Variants in SLC9C2 observed in about 807,000 individuals in gnomAD.
The protein encoded by SLC9C2 is solute carrier family 9 member C2 (putative).
SLC9C2 carries 75 observed loss-of-function variants against 140.2 expected under a neutral mutation model. The observed-to-expected ratio is 0.53, with a 90% CI of 0.44 to 0.65. The LOEUF is 0.65. Ranked by LOEUF, SLC9C2 falls within the 30% of genes least tolerant of loss-of-function variation. SLC9C2 has a pLI of 0.00. For missense variants in SLC9C2, 1,074 were observed against 1,331.8 expected, an observed-to-expected ratio of 0.81 and a Z score of 3.01; for synonymous variants, 375 against 420.9, an observed-to-expected ratio of 0.89 and a Z score of 1.34.
At chr1:173,525,931 A>C in intron 19 of SLC9C2, among the ~76,000 whole-genome samples, 1 of 152,242 alleles carries the variant, frequency 6.6e-6, no homozygotes, top group East Asian at 1.9e-4. Flanking sequence ...CTAAACTTAC[A>C]CTTTCATTCA....
chr1:173,592,510 G>A (rs1256691540), intron 4 of SLC9C2, among the ~76,000 whole-genome samples: 1 of 152,116 alleles, frequency 6.6e-6, no homozygotes, highest in African/African-American at 2.4e-5. Flanking sequence ...TTTTCCATTT[G>A]TTTGTGTCTT....
intron 11 of SLC9C2, among the ~76,000 whole-genome samples, chr1:173,552,018 T>C (rs1393967773): frequency 6.6e-6 from 1 of 152,108 alleles, no homozygotes; most frequent in Non-Finnish European, 1.5e-5. Context: ...AACACACCAA[T>C]GGTAAGAAGG....
At chr1:173,580,454 G>C (rs529350081) in intron 7 of SLC9C2, among the ~76,000 whole-genome samples, 1 of 152,134 alleles carries the variant, frequency 6.6e-6, no homozygotes, top group Non-Finnish European at 1.5e-5. Flanking sequence ...CGGGTACAAG[G>C]GATTCTTGTG....
chr1:173,514,808 T>C lies in SLC9C2; in HGVS notation c.2907+2729A>G, dbSNP rs555173726. On this transcript the variant is annotated intron_variant, in intron 23 of 27. Coordinates refer to ENST00000367714, the MANE Select transcript of SLC9C2 (RefSeq NM_178527.4). ...CTGGTACCAGTTGTTCCTTTCCATA[T>C]TTAGTGCTTCCTTCAGGAGCTCTTG... Among the ~76,000 whole-genome samples, 14 of 152,314 alleles carry C rather than the reference T, an allele frequency of 9.2e-5. 1 individual carries two copies. The highest frequency in any genetic ancestry group is 8.3e-4 in the South Asian group (4 of 4,822).
Position 173,557,508 on chromosome 1 carries a change from C to G in SLC9C2, c.1047G>C (p.Arg349Ser), listed in dbSNP as rs1409846490. Residue 349 changes from arginine (R) to serine (S), a missense_variant and splice_region_variant, in exon 10 of 28, where the codon AGG becomes AGC. Physicochemically the swap from Arg to Ser is moderately radical, Grantham distance 110 (BLOSUM62 -1). Coordinates refer to ENST00000367714, the MANE Select transcript of SLC9C2 (RefSeq NM_178527.4). ...GGCTCACTAACAAAATAGTAAGCAA[C>G]CTGTGGAGAGGGAAACATTAAAAAT... ...FILFTTVNLV[R>S]LLTILLVSPI... 1 of 1,607,564 alleles carries G rather than the reference C, an allele frequency of 6.2e-7. No individual in the cohort carries two copies.
chr1:173,557,472 C>T lies in SLC9C2; in HGVS notation c.1083G>A (p.Met361Ile), dbSNP rs1663790927. The T allele has an allele frequency of 6.2e-7, 1 of 1,613,474 alleles. No individual in the cohort carries two copies. Among genetic ancestry groups the T allele is most frequent in the Non-Finnish European group, 8.5e-7 (1 of 1,179,804 alleles). ...GCCAATTATATTCATAATTTGAATG[C>T]ATCAAAATAGGGCTCACTAACAAAA... ...LTILLVSPIL[M>I]HSNYEYNWRW... Residue 361 changes from methionine to isoleucine, a missense_variant, in exon 10 of 28, where the codon ATG becomes ATA. Met to Ile is a conservative substitution (Grantham distance 10, BLOSUM62 1). Transcript: ENST00000367714.
rs1159729131 is a variant in SLC9C2, at chr1:173,529,975, CCTTTTGTAATA to C, written c.2232_2242del (p.Ser744ArgfsTer20). ...GGCATCTTCTTGACTTTTGATATAGCCTTTTGTAATACTATACATCAAGCTGAGGCGCTTTT... is the reference window on the plus strand; with the variant it reads ...GGCATCTTCTTGACTTTTGATATAGCCTATACATCAAGCTGAGGCGCTTTT... On this transcript the variant is annotated frameshift_variant, in exon 18 of 28. Coordinates refer to ENST00000367714, the MANE Select transcript of SLC9C2 (RefSeq NM_178527.4). LOFTEE classifies it high-confidence loss of function. 1 of 1,613,342 alleles carries C rather than the reference CCTTTTGTAATA, an allele frequency of 6.2e-7. No homozygotes were observed. The highest frequency in any genetic ancestry group is 1.7e-5 in the Admixed American group (1 of 59,874).
chr1:173,578,512 T>G (rs1305787935), intron 7 of SLC9C2, among the ~76,000 whole-genome samples: 2 of 152,234 alleles, frequency 1.3e-5, no homozygotes, highest in Admixed American at 6.5e-5. Context: ...TTTTAATTCC[T>G]GAAGCAGAGG....
rs779235280 is a variant in SLC9C2 at position 173,530,055 on chromosome 1, C to A, written c.2164-1G>T. 8 of 1,580,594 alleles carry A rather than the reference C, an allele frequency of 5.1e-6. No homozygotes were observed. Among genetic ancestry groups the A allele is most frequent in the Non-Finnish European group, 6.8e-6 (8 of 1,170,748 alleles). ...TTCTTATCAGTATTGGTACTATTAT[C>A]TGGAATAATGAGAAGAAGAAAAAAA... On this transcript the variant is annotated splice_acceptor_variant, in intron 17 of 27. Coordinates refer to ENST00000367714, the MANE Select transcript of SLC9C2 (RefSeq NM_178527.4). LOFTEE classifies it high-confidence loss of function.
chr1:173,599,894 G>A (rs1014183308), intron 3 of SLC9C2, among the ~76,000 whole-genome samples: 5 of 152,174 alleles, frequency 3.3e-5, no homozygotes, highest in African/African-American at 9.6e-5. Flanking sequence ...GTCAGCCACC[G>A]CACCTGGCCA....
chr1:173,524,998 C>A, intron 19 of SLC9C2, 71 bp from the exon 20 acceptor site: 1 of 1,442,188 alleles, frequency 6.9e-7, no homozygotes, highest in African/African-American at 1.4e-5. Flanking sequence ...TAGTATAATA[C>A]TGTATAATTT....
intron 23 of SLC9C2, among the ~76,000 whole-genome samples, chr1:173,513,137 G>GTC: frequency 6.6e-6 from 1 of 151,310 alleles, no homozygotes; most frequent in Middle Eastern, 3.4e-3. Flanking sequence ...TTGTTGTTGT[G>GTC]CCTCTGCCAG....
rs564424648 is a variant in SLC9C2, at chr1:173,514,203, C to T, written c.2907+3334G>A. 9.9e-5 allele frequency among the ~76,000 whole-genome samples: 15 copies of T among 152,272 alleles called. No individual in the cohort carries two copies. The South Asian group carries it at 3.1e-3, about 32-fold the overall frequency. The stretch of plus-strand genomic sequence containing the variant: ...CTTGATCCAGAGCTGAGTTCAGGTC[C>T]TGAATATGCTTGTTAATTTTCTGTC... On this transcript the variant is annotated intron_variant, in intron 23 of 27. Coordinates refer to ENST00000367714, the MANE Select transcript of SLC9C2 (RefSeq NM_178527.4).
At chr1:173,577,300 C>A (rs1665241360) in intron 7 of SLC9C2, among the ~76,000 whole-genome samples, 1 of 152,180 alleles carries the variant, frequency 6.6e-6, no homozygotes, top group Admixed American at 6.5e-5. Flanking sequence ...ACTGCATGTG[C>A]TGAGAGTTGT....
intron 15 of SLC9C2, among the ~76,000 whole-genome samples, chr1:173,535,516 C>T (rs1661883890): frequency 6.6e-6 from 1 of 152,134 alleles, no homozygotes; most frequent in Non-Finnish European, 1.5e-5. Flanking sequence ...TTAGCTATTT[C>T]TCACCCCTGC....
chr1:173,521,544 A>G (rs1660827366), intron 21 of SLC9C2, 145 bp from the exon 22 acceptor site: 1 of 262,188 alleles, frequency 3.8e-6, no homozygotes, highest in African/African-American at 2.3e-5. Context: ...ATATGATTTT[A>G]AAGCTAAAAT....
intron 15 of SLC9C2, among the ~76,000 whole-genome samples, 155 bp downstream of exon 15, chr1:173,535,675 T>C (rs998615835): frequency 4.6e-5 from 7 of 152,080 alleles, no homozygotes; most frequent in African/African-American, 1.7e-4. Context: ...GTTGCTAAAA[T>C]AGAATGGAAG....
At position 173,583,154 on chromosome 1, in the gene SLC9C2, A is replaced by G. The variant is rs532094565; in HGVS notation, c.640+352T>C. On this transcript the variant is annotated intron_variant, in intron 6 of 27. Coordinates refer to ENST00000367714, the MANE Select transcript of SLC9C2 (RefSeq NM_178527.4). ...GGATATAAAATAGCATATTATTTGC[A>G]TATAACCTACAGCACATACTTCTGT... Among the ~76,000 whole-genome samples the G allele has an allele frequency of 6.6e-5, 10 of 152,368 alleles. No individual in the cohort carries two copies. In the East Asian group the frequency reaches 1.7e-3, roughly 26 times the overall value.
At chr1:173,557,115 G>C (rs995045297) in intron 10 of SLC9C2, among the ~76,000 whole-genome samples, 3 of 152,138 alleles carry the variant, frequency 2.0e-5, no homozygotes, top group Non-Finnish European at 4.4e-5. Flanking sequence ...GTCCAGATCA[G>C]AGCCCAAGTT....
Sources: allele counts gnomAD v4.1 joint callset (sites outside exome capture counted in the v4.1 genomes callset), GRCh38; gene constraint gnomAD v4.1.1; transcripts MANE v1.5; gene names NCBI Gene and HGNC (gene_info 2026-07-23, HGNC 2026-07-21).